Variants in GRIK1 observed in about 807,000 individuals in gnomAD.
GRIK1 encodes glutamate receptor ionotropic, kainate 1.
Under a neutral mutation model 105.7 loss-of-function variants are expected in GRIK1, and 69 were observed. The observed-to-expected ratio is 0.65, with a 90% CI of 0.54 to 0.80. The LOEUF (loss-of-function observed/expected upper bound fraction) is 0.80, where lower values mean the gene tolerates loss of function less well. GRIK1 is among the 30% of genes least tolerant of loss of function. The pLI is 0.00. For synonymous variants in GRIK1, 438 were observed against 431.3 expected (o/e 1.02, Z -0.19); for missense variants, 1,109 against 1,167.3 (o/e 0.95, Z 0.73).
At chr21:29,828,905 A>G (rs988705480) in intron 1 of GRIK1, among the ~76,000 whole-genome samples, 8 of 152,180 alleles carry the variant, frequency 5.3e-5, no homozygotes, top group Admixed American at 2.0e-4. Flanking sequence ...GTTCAAGGTC[A>G]CATAACAGAG....
At chr21:29,545,327 C>T (rs1250775352) in intron 16 of GRIK1, among the ~76,000 whole-genome samples, 1 of 152,182 alleles carries the variant, frequency 6.6e-6, no homozygotes, top group Non-Finnish European at 1.5e-5. Flanking sequence ...CCACACAGTG[C>T]CTTTCTCCTC....
chr21:29,596,460 A>G, intron 9 of GRIK1, 66 bp downstream of exon 9: 2 of 1,015,988 alleles, frequency 2.0e-6, no homozygotes, highest in Non-Finnish European at 3.2e-6. Context: ...GGAAGGGCAC[A>G]GGCCTTTCCA....
chr21:29,828,167 C>G (rs2067525200), intron 1 of GRIK1, among the ~76,000 whole-genome samples: 1 of 151,936 alleles, frequency 6.6e-6, no homozygotes, highest in African/African-American at 2.4e-5. Context: ...GGAATTGGCA[C>G]AGTGCATATT....
At chr21:29,830,231 G>C (rs969553510) in intron 1 of GRIK1, among the ~76,000 whole-genome samples, 1 of 151,890 alleles carries the variant, frequency 6.6e-6, no homozygotes, top group African/African-American at 2.4e-5. Context: ...GAGTGTCTGT[G>C]TGTCTGTGTG....
intron 7 of GRIK1, among the ~76,000 whole-genome samples, chr21:29,617,756 T>C (rs2061886521): frequency 1.3e-5 from 2 of 152,208 alleles, no homozygotes; most frequent in South Asian, 4.1e-4. Flanking sequence ...TGACATCAGA[T>C]TCAAATATTT....
In GRIK1 at chr21:29,555,283, T is replaced by A. The variant is rs2090223208; in HGVS notation, c.2376A>T (p.Lys792Asn). The A allele has an allele frequency of 6.2e-7, 1 of 1,613,324 alleles. No individual in the cohort carries two copies. The highest frequency in any genetic ancestry group is 1.7e-5 in the Admixed American group (1 of 59,988). The part of the protein sequence containing the change: ...GTPIGSPYRD[K>N]ITIAILQLQE... ...GGAGTTGAAGAATAGCAATAGTAAT[T>A]TTATCCCGGTAAGGAGAACCTGGAA... The change falls in exon 16 of 18, where the codon AAA (lysine) becomes AAT (asparagine). Residue 792 changes from lysine (K) to asparagine (N), a missense_variant. Physicochemically the swap from Lys to Asn is moderately conservative, Grantham distance 94. Transcript: ENST00000327783.
chr21:29,868,008 AAAG>A (rs1334740873), intron 1 of GRIK1, among the ~76,000 whole-genome samples: 4 of 141,734 alleles, frequency 2.8e-5, no homozygotes, highest in South Asian at 4.9e-4. Context: ...AGAAAGAAAG[AAAG>A]AAAAGACAGA....
chr21:29,684,206 G>C (rs1320221187), intron 3 of GRIK1, among the ~76,000 whole-genome samples: 3 of 152,232 alleles, frequency 2.0e-5, no homozygotes, highest in Non-Finnish European at 4.4e-5. Flanking sequence ...CATTACTTAG[G>C]ATAATGTCTG....
chr21:29,678,734 A>G (rs1477662563), intron 3 of GRIK1, among the ~76,000 whole-genome samples: 1 of 152,166 alleles, frequency 6.6e-6, no homozygotes, highest in African/African-American at 2.4e-5. Flanking sequence ...ATGGTGGGAG[A>G]GCACATAGCA....
intron 1 of GRIK1, among the ~76,000 whole-genome samples, chr21:29,888,838 G>GT (rs902076286): frequency 4.6e-5 from 7 of 151,762 alleles, no homozygotes; most frequent in South Asian, 2.1e-4. Flanking sequence ...GATTAGAGGA[G>GT]TTTTTTTTTC....
At chr21:29,680,733 T>TA (rs2146676168) in intron 3 of GRIK1, among the ~76,000 whole-genome samples, 1 of 152,374 alleles carries the variant, frequency 6.6e-6, no homozygotes, top group Non-Finnish European at 1.5e-5. Flanking sequence ...TTGTTGTTGT[T>TA]AGTCTCTTAC....
At chr21:29,620,778 T>TATAGATATATATATCTATATATATATAG (rs2061968596) in intron 7 of GRIK1, among the ~76,000 whole-genome samples, 1 of 116,018 alleles carries the variant, frequency 8.6e-6, no homozygotes, top group Non-Finnish European at 1.6e-5. Flanking sequence ...GTCATATATA[T>TATAGATATATATATCTATATATATATAG]ATAGATATAT....
At chr21:29,662,257 T>C (rs2062979727) in intron 4 of GRIK1, among the ~76,000 whole-genome samples, 4 of 152,222 alleles carry the variant, frequency 2.6e-5, no homozygotes, top group Admixed American at 6.5e-5. Context: ...GATGAGATTA[T>C]GCTATTTAAG....
At chr21:29,688,393 G>T (rs964692309) in intron 3 of GRIK1, among the ~76,000 whole-genome samples, 16 of 152,148 alleles carry the variant, frequency 1.1e-4, no homozygotes, top group African/African-American at 3.6e-4. Flanking sequence ...TTGGCGAAAG[G>T]GGCAGTGAAA....
At chr21:29,586,047 A>T (rs2091124467) in intron 12 of GRIK1, among the ~76,000 whole-genome samples, 1 of 152,184 alleles carries the variant, frequency 6.6e-6, no homozygotes, top group Non-Finnish European at 1.5e-5. Flanking sequence ...ACATTTCCAA[A>T]TGTTCCCTGG....
At chr21:29,610,494 G>A (rs573470050) in intron 7 of GRIK1, among the ~76,000 whole-genome samples, 1 of 152,284 alleles carries the variant, frequency 6.6e-6, no homozygotes, top group African/African-American at 2.4e-5. Context: ...AAAATTGAAA[G>A]ATGCTACTTT....
intron 7 of GRIK1, among the ~76,000 whole-genome samples, chr21:29,600,751 C>T (rs1417288547): frequency 6.6e-6 from 1 of 152,104 alleles, no homozygotes; most frequent in Non-Finnish European, 1.5e-5. Flanking sequence ...TAATTTTTAA[C>T]ATTTATTGTT....
rs950219193 is a variant in GRIK1, at chr21:29,785,561, CAAAA to C, written c.119-91502_119-91499del. ...CCTGGGCGACAGAGTGAGACTGTCTCAAAAAAAAAAAAAAAAAAAAAAAGCCCCC... is the reference window on the plus strand; with the variant it reads ...CCTGGGCGACAGAGTGAGACTGTCTCAAAAAAAAAAAAAAAAAAAGCCCCC... On this transcript the variant is annotated intron_variant, in intron 1 of 17. Transcript: ENST00000327783. Among the ~76,000 whole-genome samples, 341 of 58,020 alleles carry C rather than the reference CAAAA, an allele frequency of 5.9e-3. 1 individual carries two copies. Among genetic ancestry groups the C allele is most frequent in the Non-Finnish European group, 8.7e-3 (265 of 30,314 alleles). The allele number at this position is 58,020 out of a possible 152,430, so 38.1% of individuals were successfully genotyped here.
chr21:29,733,532 A>G (rs2064694072), intron 1 of GRIK1, among the ~76,000 whole-genome samples: 1 of 152,020 alleles, frequency 6.6e-6, no homozygotes, highest in Non-Finnish European at 1.5e-5. Context: ...TGTTGTAATT[A>G]AATTTGTGGG....
Sources: allele counts gnomAD v4.1 joint callset (sites outside exome capture counted in the v4.1 genomes callset), GRCh38; gene constraint gnomAD v4.1.1; transcripts MANE v1.5; gene names NCBI Gene and HGNC (gene_info 2026-07-23, HGNC 2026-07-21).